Variants in ADGRA2 observed in about 807,000 individuals in gnomAD.
ADGRA2 encodes G-protein coupled receptor 124.
In ADGRA2, 61 loss-of-function variants were observed where a neutral mutation model predicts 98.7. The observed-to-expected ratio is 0.62, with a 90% CI of 0.50 to 0.76. The LOEUF (loss-of-function observed/expected upper bound fraction) is 0.76, where lower values mean the gene tolerates loss of function less well. Among genes scored for constraint, ADGRA2 ranks in the 30% least tolerant of loss-of-function variants. The pLI is 0.00. For missense variants in ADGRA2, 1,712 were observed against 1,860.0 expected (o/e 0.92, Z 1.46); for synonymous variants, 858 against 831.5 (o/e 1.03, Z -0.55).
chr8:37,835,988 A>G (rs1465686544), intron 13 of ADGRA2, among the ~76,000 whole-genome samples: 1 of 150,912 alleles, frequency 6.6e-6, no homozygotes, highest in Admixed American at 6.6e-5. Context: ...ATTGCCTTCT[A>G]TATCCCAGAT....
Position 37,830,029 on chromosome 8 carries a change from C to G in ADGRA2, c.718+15C>G. The G allele has an allele frequency of 2.7e-6, 4 of 1,501,330 alleles. No homozygotes were observed. The highest frequency in any genetic ancestry group is 3.6e-6 in the Non-Finnish European group (4 of 1,120,738). 93.0% of individuals were successfully genotyped at this position (1,501,330 alleles called of 1,614,324 possible). On this transcript the variant is annotated intron_variant, in intron 6 of 18. Transcript: ENST00000412232. This position sits in a 1 kb window ranked among gnomAD's most constrained non-coding sequence, Gnocchi z 4.8. The stretch of plus-strand genomic sequence containing the variant: ...GCTCTGCTGCGGTGAGCAAGTCCCC[C>G]CAGCTACACATCTCCCAGGGACCCT...
chr8:37,833,739 T>C lies in ADGRA2; in HGVS notation c.1348T>C (p.Tyr450His), dbSNP rs748626720. ...GACCCTGGCTCACCAGCTGCGCGTGTACACAGCCGAGGCCGCTAGCTTTTC... is the reference window on the plus strand; with the variant it reads ...GACCCTGGCTCACCAGCTGCGCGTGCACACAGCCGAGGCCGCTAGCTTTTC... ...ALTLAHQLRV[Y>H]TAEAASFSDM... Residue 450 changes from tyrosine (Y) to histidine (H), a missense_variant, in exon 10 of 19, where the codon TAC becomes CAC. Coordinates refer to ENST00000412232, the MANE Select transcript of ADGRA2 (RefSeq NM_032777.10). 1.2e-6 allele frequency: 2 copies of C among 1,614,138 alleles called. No homozygotes were observed.
intron 1 of ADGRA2, among the ~76,000 whole-genome samples, chr8:37,804,130 C>CACACACACATAT (rs1554522471): frequency 6.7e-6 from 1 of 148,590 alleles, no homozygotes; most frequent in African/African-American, 2.5e-5. Context: ...CACACACACA[C>CACACACACATAT]ACACACACAC....
chr8:37,821,749 T>C (rs1805132656), intron 2 of ADGRA2, among the ~76,000 whole-genome samples: 1 of 152,102 alleles, frequency 6.6e-6, no homozygotes, highest in Non-Finnish European at 1.5e-5. Flanking sequence ...AGCCCCGGGA[T>C]GATTTGTCAT....
intron 2 of ADGRA2, among the ~76,000 whole-genome samples, chr8:37,822,677 A>T (rs1177618528): frequency 6.6e-6 from 1 of 152,190 alleles, no homozygotes; most frequent in Non-Finnish European, 1.5e-5. Flanking sequence ...CTATAGATCT[A>T]TAAATCTGCC....
At chr8:37,820,880 A>G (rs1201366921) in intron 2 of ADGRA2, among the ~76,000 whole-genome samples, 2 of 150,628 alleles carry the variant, frequency 1.3e-5, no homozygotes, top group African/African-American at 4.9e-5. Flanking sequence ...CACAGAGCGG[A>G]TGCCCAGTGG....
At chr8:37,824,838 A>G (rs931333743) in intron 2 of ADGRA2, among the ~76,000 whole-genome samples, 2 of 152,160 alleles carry the variant, frequency 1.3e-5, no homozygotes, top group African/African-American at 4.8e-5. Context: ...CAACTTAACA[A>G]TCTGCTTTGT....
At position 37,841,953 on chromosome 8, in the gene ADGRA2, CG is replaced by C; in HGVS notation, c.3620del (p.Gly1207AlafsTer96). The C allele has an allele frequency of 2.0e-6, 3 of 1,504,298 alleles. No homozygotes were observed. The highest frequency in any genetic ancestry group is 2.6e-5 in the East Asian group (1 of 38,218). The allele number at this position is 1,504,298 out of a possible 1,614,324, so 93.2% of individuals were successfully genotyped here. On this transcript the variant is annotated frameshift_variant, in exon 19 of 19. Coordinates refer to ENST00000412232, the MANE Select transcript of ADGRA2 (RefSeq NM_032777.10). LOFTEE classifies it low-confidence loss of function (END_TRUNC). The surrounding 1 kb of genome is among the most constrained non-coding windows in gnomAD (Gnocchi z 5.0). ...GCAAGAACCGGCTCAAGGCCCTGCG[CG>C]GGGGCGCGGCGGGGGCGCTGGAGCT... ...CGKNRLKALR[G>X]GAAGALELLS...
intron 13 of ADGRA2, among the ~76,000 whole-genome samples, chr8:37,836,038 A>AACACACACACAC (rs58082798): frequency 3.5e-4 from 44 of 124,572 alleles, no homozygotes; most frequent in Middle Eastern, 4.4e-3. Context: ...AGCCCCCTCC[A>AACACACACACAC]ACACACACAC....
chr8:37,804,100 GACACAC>G (rs60565183), intron 1 of ADGRA2, among the ~76,000 whole-genome samples: 5,356 of 107,036 alleles, frequency 0.05, 202 homozygotes, highest in African/African-American at 0.11. Context: ...CCCACGGTGA[GACACAC>G]ACACACACAC....
chr8:37,821,723 G>A (rs1366883305), intron 2 of ADGRA2, among the ~76,000 whole-genome samples: 2 of 152,222 alleles, frequency 1.3e-5, no homozygotes. Context: ...AAGAGTCTGG[G>A]AAGGGGAGCC....
intron 8 of ADGRA2, among the ~76,000 whole-genome samples, chr8:37,832,047 C>A (rs542506897): frequency 8.6e-5 from 13 of 152,038 alleles, no homozygotes; most frequent in African/African-American, 3.1e-4. Context: ...GCCTAGGAGA[C>A]AAGAGCAAGA....
intron 2 of ADGRA2, among the ~76,000 whole-genome samples, chr8:37,817,338 C>A (rs1158411895): frequency 1.3e-5 from 2 of 152,130 alleles, no homozygotes; most frequent in Non-Finnish European, 2.9e-5. Flanking sequence ...TGACTAGGTC[C>A]CTCTAACCGT....
intron 8 of ADGRA2, among the ~76,000 whole-genome samples, chr8:37,832,744 A>G (rs936791476): frequency 2.0e-5 from 3 of 152,310 alleles, no homozygotes; most frequent in South Asian, 4.1e-4. Flanking sequence ...GAGAAAGGAT[A>G]AATACCTTGC....
chr8:37,809,841 C>G (rs146624640), intron 1 of ADGRA2, among the ~76,000 whole-genome samples: 3 of 151,992 alleles, frequency 2.0e-5, no homozygotes, highest in Non-Finnish European at 1.5e-5. Context: ...AGAGAGAGGC[C>G]GAGACCGGGA....
intron 2 of ADGRA2, among the ~76,000 whole-genome samples, chr8:37,825,292 G>A (rs915177246): frequency 4.6e-5 from 7 of 151,894 alleles, no homozygotes; most frequent in East Asian, 3.9e-4. Context: ...CCAGGCTGGC[G>A]TGCAGCAGTG....
Position 37,842,726 on chromosome 8 carries a change from A to G in ADGRA2, c.*371A>G. 1 of 203,850 alleles carries G rather than the reference A, an allele frequency of 4.9e-6. No homozygotes were observed. The highest frequency in any genetic ancestry group is 9.8e-6 in the Non-Finnish European group (1 of 102,532). The allele number at this position is 203,850 out of a possible 1,614,324, so 12.6% of individuals were successfully genotyped here. On this transcript the variant is annotated 3_prime_UTR_variant, in exon 19 of 19. Transcript: ENST00000412232. ...CTGGGGGCCATCAGCCTCACCAGCAAAGCAGAGATGAGAGCGTGGGAACTG... is the reference window on the plus strand; with the variant it reads ...CTGGGGGCCATCAGCCTCACCAGCAGAGCAGAGATGAGAGCGTGGGAACTG...
At chr8:37,835,025 T>TAA in intron 11 of ADGRA2, 149 bp from the exon 12 acceptor site, 12 of 552,400 alleles carry the variant, frequency 2.2e-5, no homozygotes, top group Admixed American at 6.3e-5. Context: ...TCTGTTCCTC[T>TAA]AAAAAAAAAA....
intron 1 of ADGRA2, among the ~76,000 whole-genome samples, chr8:37,808,926 GC>G (rs1804750293): frequency 6.6e-6 from 1 of 152,020 alleles, no homozygotes; most frequent in African/African-American, 2.4e-5. Context: ...CCAGGTTCAA[GC>G]GATTCTCCTG....
Sources: gnomAD v4.1 joint callset for allele counts (sites outside exome capture counted in the v4.1 genomes callset) on GRCh38, gnomAD v4.1.1 for gene constraint, Gnocchi (gnomAD v3.1) non-coding constraint, MANE v1.5 for transcripts, NCBI Gene and HGNC (gene_info 2026-07-23, HGNC 2026-07-21) for gene names.